The following TTC6 variants were observed in gnomAD, a reference collection of about 807,000 sequenced individuals.
The protein encoded by TTC6 is tetratricopeptide repeat protein 6.
A neutral mutation model predicts 210.4 loss-of-function variants in TTC6; 172 were observed. The observed-to-expected ratio is 0.82, with a 90% CI of 0.72 to 0.93. The LOEUF is 0.93. Ranked by LOEUF, TTC6 falls within the 40% of genes least tolerant of loss-of-function variation. The pLI is 0.00. For missense variants in TTC6, 2,414 were observed against 2,318.1 expected (o/e 1.04, Z -0.85); for synonymous variants, 804 against 819.6 (o/e 0.98, Z 0.32).
At chr14:37,688,616 A>G (rs1462946478) in intron 3 of TTC6, among the ~76,000 whole-genome samples, 1 of 152,148 alleles carries the variant, frequency 6.6e-6, no homozygotes, top group Non-Finnish European at 1.5e-5. Flanking sequence ...AAAGAGAGAG[A>G]GACTTTGTTT....
chr14:37,626,762 G>T (rs895229945), intron 1 of TTC6, among the ~76,000 whole-genome samples: 3 of 152,138 alleles, frequency 2.0e-5, no homozygotes, highest in African/African-American at 4.8e-5. Context: ...TGCAACAAAA[G>T]CCTGCTCTTT....
At chr14:37,610,751 T>C (rs772277827) in intron 2 of TTC6, among the ~76,000 whole-genome samples, 1 of 152,214 alleles carries the variant, frequency 6.6e-6, no homozygotes, top group Non-Finnish European at 1.5e-5. Flanking sequence ...ATCACTTTCT[T>C]GTGTTTATTT....
chr14:37,764,437 C>T (rs1161648415), intron 14 of TTC6, among the ~76,000 whole-genome samples: 2 of 152,094 alleles, frequency 1.3e-5, no homozygotes, highest in African/African-American at 4.8e-5. Flanking sequence ...GTCTTTGCTG[C>T]ATATATTTTG....
chr14:37,825,695 A>G (rs185434213), intron 27 of TTC6, among the ~76,000 whole-genome samples: 1 of 152,278 alleles, frequency 6.6e-6, no homozygotes, highest in East Asian at 1.9e-4. Context: ...TAGTGATACT[A>G]AAACTCCAGA....
chr14:37,676,983 T>C (rs1426085703), intron 1 of TTC6, among the ~76,000 whole-genome samples: 1 of 152,086 alleles, frequency 6.6e-6, no homozygotes, highest in East Asian at 1.9e-4. Context: ...AATTTTGAAA[T>C]AGGGAAGTGT....
chr14:37,651,438 TTTTTTTTTTTTTTTTCC>T (rs1284367469), intron 1 of TTC6, among the ~76,000 whole-genome samples: 55 of 81,294 alleles, frequency 6.8e-4, no homozygotes, highest in African/African-American at 3.1e-3. Context: ...TTTTTTTTTT[TTTTTTTTTTTTTTTTCC>T]ATCCATGATT....
chr14:37,835,778 T>C (rs1477217120), intron 29 of TTC6, among the ~76,000 whole-genome samples: 2 of 152,222 alleles, frequency 1.3e-5, no homozygotes, highest in Non-Finnish European at 2.9e-5. Context: ...ATTTGAGGTT[T>C]GTAGTTTTAA....
intron 14 of TTC6, among the ~76,000 whole-genome samples, chr14:37,754,270 A>G (rs1470698916): frequency 2.0e-5 from 3 of 151,702 alleles, no homozygotes; most frequent in African/African-American, 4.8e-5. Context: ...CTGGTGTGTG[A>G]TGTTCCCCTC....
intron 22 of TTC6, among the ~76,000 whole-genome samples, chr14:37,807,096 C>G (rs557327466): frequency 6.6e-6 from 1 of 152,104 alleles, no homozygotes; most frequent in Admixed American, 6.6e-5. Flanking sequence ...ATAAATATGG[C>G]AAAATGTTAA....
intron 20 of TTC6, among the ~76,000 whole-genome samples, chr14:37,804,157 G>A (rs974332873): frequency 6.6e-6 from 1 of 151,986 alleles, no homozygotes; most frequent in African/African-American, 2.4e-5. Context: ...TGACTCTTTT[G>A]AATAAATAAA....
intron 14 of TTC6, among the ~76,000 whole-genome samples, chr14:37,781,747 T>C (rs1021307242): frequency 1.3e-5 from 2 of 152,218 alleles, no homozygotes; most frequent in Non-Finnish European, 2.9e-5. Flanking sequence ...TTCTAGGATT[T>C]TTATGCTTTT....
chr14:37,753,052 T>C (rs1354796912), intron 13 of TTC6, 47 bp from the exon 16 acceptor site: 3 of 1,407,408 alleles, frequency 2.1e-6, no homozygotes, highest in African/African-American at 2.9e-5. Context: ...ATATACTTCA[T>C]TTTTTTTCAT....
intron 14 of TTC6, among the ~76,000 whole-genome samples, chr14:37,760,754 G>A (rs1318567856): frequency 1.3e-5 from 2 of 152,184 alleles, no homozygotes; most frequent in Admixed American, 6.5e-5. Context: ...GGCCACAGCC[G>A]CTTTGCCGCA....
intron 25 of TTC6, among the ~76,000 whole-genome samples, chr14:37,814,884 T>C (rs924392588): frequency 6.6e-6 from 1 of 152,142 alleles, no homozygotes; most frequent in African/African-American, 2.4e-5. Flanking sequence ...GTGGGAAAGA[T>C]TGATTAACAG....
intron 4 of TTC6, among the ~76,000 whole-genome samples, chr14:37,700,828 T>C (rs372973001): frequency 1.4e-4 from 20 of 145,594 alleles, no homozygotes; most frequent in African/African-American, 5.1e-4. Context: ...GAGATACAAG[T>C]CCAAGCAGAG....
chr14:37,686,132 C>T (rs1455961159), intron 3 of TTC6, among the ~76,000 whole-genome samples: 5 of 151,926 alleles, frequency 3.3e-5, no homozygotes, highest in Non-Finnish European at 5.9e-5. Context: ...GTCCAAGGAC[C>T]GAATCCTCTC....
At chr14:37,662,621 C>T (rs1205109266) in intron 1 of TTC6, among the ~76,000 whole-genome samples, 1 of 152,146 alleles carries the variant, frequency 6.6e-6, no homozygotes, top group Non-Finnish European at 1.5e-5. Flanking sequence ...CAGTCTTCTC[C>T]ATATGGCTAG....
At chr14:37,674,076 A>C (rs958785127) in intron 1 of TTC6, among the ~76,000 whole-genome samples, 1 of 152,128 alleles carries the variant, frequency 6.6e-6, no homozygotes, top group Non-Finnish European at 1.5e-5. Flanking sequence ...TTTTTAGTCC[A>C]AAATCCAAAT....
intron 7 of TTC6, among the ~76,000 whole-genome samples, chr14:37,732,424 C>G (rs2095889470): frequency 6.6e-6 from 1 of 151,794 alleles, no homozygotes; most frequent in South Asian, 2.1e-4. Flanking sequence ...ACCTCGTGAT[C>G]TGCCCGCCTT....
Sources: gnomAD v4.1 joint callset for allele counts (sites outside exome capture counted in the v4.1 genomes callset) on GRCh38, gnomAD v4.1.1 for gene constraint, MANE v1.5 for transcripts, NCBI Gene and HGNC (gene_info 2026-07-23, HGNC 2026-07-21) for gene names.